CNTNAP2: variants seen among roughly 807,000 people sequenced by gnomAD.
CNTNAP2 encodes the protein contactin associated protein 2, also known as contactin-associated protein-like 2.
In CNTNAP2, 98 loss-of-function variants were observed where a neutral mutation model predicts 155.2. The observed-to-expected ratio is 0.63, with a 90% CI of 0.54 to 0.75. The LOEUF (loss-of-function observed/expected upper bound fraction) is 0.75. Ranked by LOEUF, CNTNAP2 falls within the 30% of genes least tolerant of loss-of-function variation. The probability of loss-of-function intolerance (pLI) is 0.00; values close to 1 mark genes in which losing one functional copy is unlikely to be tolerated. For synonymous variants in CNTNAP2, 651 were observed against 631.2 expected (o/e 1.03, Z -0.47); for missense variants, 1,727 against 1,688.1 (o/e 1.02, Z -0.40).
chr7:148,220,278 A>T (rs911081626), intron 19 of CNTNAP2, among the ~76,000 whole-genome samples: 6 of 152,040 alleles, frequency 3.9e-5, no homozygotes, highest in African/African-American at 1.2e-4. Flanking sequence ...AATTTTTTGT[A>T]ATTTTAGTAG....
chr7:146,716,635 A>T (rs889062929), intron 1 of CNTNAP2, among the ~76,000 whole-genome samples: 1 of 152,128 alleles, frequency 6.6e-6, no homozygotes, highest in African/African-American at 2.4e-5. Context: ...TCTATAAACC[A>T]CCTGAGTGAC....
chr7:146,593,633 C>G (rs1055442433), intron 1 of CNTNAP2, among the ~76,000 whole-genome samples: 20 of 152,118 alleles, frequency 1.3e-4, no homozygotes, highest in African/African-American at 4.8e-4. Context: ...TTGTGCAAAA[C>G]AGTCACAATC....
At chr7:147,917,305 C>A (rs2116773675) in intron 14 of CNTNAP2, among the ~76,000 whole-genome samples, 1 of 152,286 alleles carries the variant, frequency 6.6e-6, no homozygotes, top group East Asian at 1.9e-4. Flanking sequence ...GGTTAAAAAC[C>A]ATTGATATAG....
chr7:148,222,381 C>A (rs879562694), intron 19 of CNTNAP2, among the ~76,000 whole-genome samples: 4 of 152,226 alleles, frequency 2.6e-5, no homozygotes, highest in Non-Finnish European at 5.9e-5. Context: ...TGAGACAGTG[C>A]AGGGCATGAC....
intron 21 of CNTNAP2, among the ~76,000 whole-genome samples, chr7:148,319,574 T>A (rs1797753942): frequency 6.6e-6 from 1 of 152,052 alleles, no homozygotes; most frequent in Admixed American, 6.5e-5. Flanking sequence ...TGAAGCTTCA[T>A]ATGTGTTTAC....
rs566512115 is a variant in CNTNAP2, at chr7:148,112,155, T to G, written c.2384-5963T>G. ...AATGTTGGAAAATGTTTGAGAAGAGTTTTACTGCTGTGTTAGAGAATCTGG... is the reference window on the plus strand; with the variant it reads ...AATGTTGGAAAATGTTTGAGAAGAGGTTTACTGCTGTGTTAGAGAATCTGG... On this transcript the variant is annotated intron_variant, in intron 15 of 23. Coordinates refer to ENST00000361727, the MANE Select transcript of CNTNAP2 (RefSeq NM_014141.6). Among the ~76,000 whole-genome samples, 403 of 151,980 alleles carry G rather than the reference T, an allele frequency of 2.7e-3. 1 individual carries two copies. The highest frequency in any genetic ancestry group is 9.3e-3 in the African/African-American group (385 of 41,442).
intron 10 of CNTNAP2, among the ~76,000 whole-genome samples, chr7:147,439,773 G>A (rs1415081089): frequency 6.6e-6 from 1 of 151,960 alleles, no homozygotes; most frequent in African/African-American, 2.4e-5. Flanking sequence ...AATGTTGGGT[G>A]CATATATATT....
chr7:147,734,710 T>C (rs1269815378), intron 13 of CNTNAP2, among the ~76,000 whole-genome samples: 1 of 152,232 alleles, frequency 6.6e-6, no homozygotes, highest in Non-Finnish European at 1.5e-5. Context: ...TATTGGTCTA[T>C]TCAGAGATTC....
chr7:148,264,377 A>G (rs907023713), intron 20 of CNTNAP2, among the ~76,000 whole-genome samples: 1 of 152,098 alleles, frequency 6.6e-6, no homozygotes, highest in Admixed American at 6.6e-5. Context: ...AATCTATATC[A>G]TTTTTTCTAT....
chr7:148,093,543 A>G (rs566243011), intron 15 of CNTNAP2, among the ~76,000 whole-genome samples: 2 of 152,346 alleles, frequency 1.3e-5, no homozygotes, highest in Non-Finnish European at 2.9e-5. Flanking sequence ...AAAGATTGTT[A>G]GCAGAAAAAG....
chr7:146,582,271 A>G (rs1798623537), intron 1 of CNTNAP2, among the ~76,000 whole-genome samples: 1 of 152,164 alleles, frequency 6.6e-6, no homozygotes, highest in Non-Finnish European at 1.5e-5. Context: ...GCATGCATAT[A>G]GAATCACACA....
chr7:147,802,072 G>A lies in CNTNAP2; in HGVS notation c.2099-101493G>A, dbSNP rs572496046. Reference sequence around the variant, plus strand: ...TCACTTCTCAGACGGGGCAGTTGCCGGGCGGAGGGTCTCCTCACTTCTCAG... The same window carrying A: ...TCACTTCTCAGACGGGGCAGTTGCCAGGCGGAGGGTCTCCTCACTTCTCAG... On this transcript the variant is annotated intron_variant, in intron 13 of 23. Coordinates refer to ENST00000361727, the MANE Select transcript of CNTNAP2 (RefSeq NM_014141.6). Among the ~76,000 whole-genome samples, 4 of 140,442 alleles carry A rather than the reference G, an allele frequency of 2.8e-5. No homozygotes were observed. In the South Asian group the frequency reaches 6.5e-4, roughly 23 times the overall value. 92.1% of individuals were successfully genotyped at this position (140,442 alleles called of 152,430 possible). A position where few individuals can be genotyped will look rare whatever the true frequency, so the allele number is the denominator to read the frequency against.
At chr7:146,432,339 A>G (rs1411244031) in intron 1 of CNTNAP2, among the ~76,000 whole-genome samples, 1 of 152,128 alleles carries the variant, frequency 6.6e-6, no homozygotes, top group Non-Finnish European at 1.5e-5. Flanking sequence ...TTTACATACT[A>G]TAAAGTTTAA....
chr7:147,863,278 C>T (rs1172985727), intron 13 of CNTNAP2, among the ~76,000 whole-genome samples: 3 of 152,236 alleles, frequency 2.0e-5, no homozygotes, highest in Non-Finnish European at 2.9e-5. Context: ...TTTATGACTG[C>T]GTAGTATTCC....
At chr7:147,760,825 G>C (rs141700259) in intron 13 of CNTNAP2, among the ~76,000 whole-genome samples, 4 of 152,128 alleles carry the variant, frequency 2.6e-5, no homozygotes, top group South Asian at 2.1e-4. Flanking sequence ...AGGCAATCAT[G>C]GTTCTGGTCC....
intron 22 of CNTNAP2, among the ~76,000 whole-genome samples, chr7:148,402,437 C>A (rs1421386034): frequency 6.6e-6 from 1 of 152,104 alleles, no homozygotes; most frequent in Non-Finnish European, 1.5e-5. Context: ...TTAGAGAAAT[C>A]GCTCCCTCCC....
intron 1 of CNTNAP2, among the ~76,000 whole-genome samples, chr7:146,556,327 G>A (rs1798197746): frequency 6.6e-6 from 1 of 152,160 alleles, no homozygotes; most frequent in Admixed American, 6.5e-5. Context: ...TTCTGGATCT[G>A]CCTCTTGGTA....
chr7:147,547,384 C>T (rs758000653), intron 11 of CNTNAP2, among the ~76,000 whole-genome samples: 6 of 152,086 alleles, frequency 3.9e-5, no homozygotes, highest in African/African-American at 1.2e-4. Context: ...ACTAATGCTG[C>T]GGTTGCTTAA....
chr7:147,122,821 G>T (rs887995757), intron 6 of CNTNAP2: 3 of 152,022 alleles, frequency 2.0e-5, no homozygotes, highest in Admixed American at 6.6e-5. Flanking sequence ...ATGTTCCTTG[G>T]CACCCAGTTC....
Sources: gnomAD v4.1 joint callset for allele counts (sites outside exome capture counted in the v4.1 genomes callset) on GRCh38, gnomAD v4.1.1 for gene constraint, MANE v1.5 for transcripts, NCBI Gene and HGNC (gene_info 2026-07-23, HGNC 2026-07-21) for gene names.